Variants in KRT222 observed in about 807,000 individuals in gnomAD.
KRT222 encodes keratin 222, also known as keratin-like protein KRT222.
Under a neutral mutation model 35.0 loss-of-function variants are expected in KRT222, and 23 were observed. The ratio of observed to expected loss-of-function variants is 0.66; its 90% confidence interval spans 0.47 to 0.93. KRT222 has a LOEUF of 0.93. Among genes scored for constraint, KRT222 ranks in the 40% least tolerant of loss-of-function variants. The pLI is 0.00. For missense variants in KRT222, 339 were observed against 346.3 expected, an observed-to-expected ratio of 0.98 and a Z score of 0.17; for synonymous variants, 108 against 118.8, an observed-to-expected ratio of 0.91 and a Z score of 0.59.
At position 40,656,573 on chromosome 17, in the gene KRT222, G is replaced by T; in HGVS notation, c.717C>A (p.Asn239Lys). 6.2e-7 allele frequency: 1 copy of T among 1,613,442 alleles called. No homozygotes were observed. The highest frequency in any genetic ancestry group is 8.5e-7 in the Non-Finnish European group (1 of 1,179,514). The change falls in exon 6 of 6, where the codon AAC becomes AAA. Residue 239 changes from asparagine to lysine, a missense_variant. Coordinates refer to ENST00000394052, the MANE Select transcript of KRT222 (RefSeq NM_152349.3). ...KEWEGSFFKD[N>K]PRLRKKSVSL... ...AAACAGACTTTTTCCTCAATCGAGG[G>T]TTATCTTTAAAGAAAGAACCTTCCC...
chr17:40,659,871 G>T, intron 3 of KRT222, 116 bp downstream of exon 3: 2 of 816,386 alleles, frequency 2.4e-6, no homozygotes, highest in South Asian at 1.6e-5. Context: ...TGGGCTCAGT[G>T]AGTACACCAT....
chr17:40,659,736 T>C (rs1312780341), intron 3 of KRT222, among the ~76,000 whole-genome samples: 2 of 152,200 alleles, frequency 1.3e-5, no homozygotes, highest in Non-Finnish European at 2.9e-5. Flanking sequence ...GACTACAAGA[T>C]CATTTTTGTA....
At position 40,661,968 on chromosome 17, in the gene KRT222, G is replaced by A. The variant is rs201785449; in HGVS notation, c.173C>T (p.Ala58Val). Residue 58 changes from alanine (A) to valine (V), a missense_variant, in exon 2 of 6, where the codon GCC (alanine) becomes GTC (valine). Coordinates refer to ENST00000394052, the MANE Select transcript of KRT222 (RefSeq NM_152349.3). ...LKAAQAELKE[A>V]RRQWHHLQVE... ...TTGCAGGTGGTGCCACTGGCGTCGGGCCTCCTTGAGTTCTGCTTGAGCTGC... is the reference window on the plus strand; with the variant it reads ...TTGCAGGTGGTGCCACTGGCGTCGGACCTCCTTGAGTTCTGCTTGAGCTGC... 161 of 1,613,962 alleles carry A rather than the reference G, an allele frequency of 1.0e-4. No individual in the cohort carries two copies. Among genetic ancestry groups the A allele is most frequent in the Non-Finnish European group, 1.3e-4 (156 of 1,180,012 alleles).
At chr17:40,659,939 G>A (rs778008830) in intron 3 of KRT222, 48 bp downstream of exon 3, 2 of 1,463,160 alleles carry the variant, frequency 1.4e-6, no homozygotes, top group South Asian at 1.1e-5. Context: ...TGGCATAAGT[G>A]GCTCTGTATT....
chr17:40,662,187 A>G (rs2037388362), intron 1 of KRT222, 143 bp from the exon 2 acceptor site: 1 of 938,682 alleles, frequency 1.1e-6, no homozygotes, highest in Admixed American at 2.9e-5. Context: ...TGTGTGTCCT[A>G]GTGCCTAGTT....
chr17:40,659,588 G>A (rs886728277), intron 3 of KRT222, among the ~76,000 whole-genome samples: 43 of 151,844 alleles, frequency 2.8e-4, no homozygotes, highest in African/African-American at 9.7e-4. Flanking sequence ...CATGCTCAGC[G>A]AATTTTAAAA....
In KRT222 at chr17:40,656,445, G is replaced by A. The variant is rs2037344504; in HGVS notation, c.845C>T (p.Ser282Leu). 1.2e-6 allele frequency: 2 copies of A among 1,613,714 alleles called. No homozygotes were observed. Among genetic ancestry groups the A allele is most frequent in the Non-Finnish European group, 8.5e-7 (1 of 1,179,762 alleles). The part of the protein sequence containing the change: ...DIEVRLIMRR[S>L]CSIPSIKPPS... ...AGGTTTGATAGAGGGAATACTGCAT[G>A]ATCTTCTCATGATAAGCCTGACTTC... The change falls in exon 6 of 6, where the codon TCA becomes TTA. Residue 282 changes from serine (S) to leucine (L), a missense_variant. By Grantham distance (145) the Ser-to-Leu change is moderately radical. Transcript: ENST00000394052.
Position 40,657,461 on chromosome 17 carries a change from T to C in KRT222, c.550A>G (p.Thr184Ala). Residue 184 changes from threonine to alanine, a missense_variant, in exon 5 of 6, where the codon ACA (threonine) becomes GCA (alanine). By Grantham distance (58) the Thr-to-Ala change is moderately conservative (BLOSUM62 0). Coordinates refer to ENST00000394052, the MANE Select transcript of KRT222 (RefSeq NM_152349.3). ...TTCTCATACTTTTGTGGGACTTTTG[T>C]AGTAAAAGATATTTCATTTATAATG... ...SAIINEISFT[T>A]KVPQKYENEN... 6.2e-7 allele frequency: 1 copy of C among 1,603,922 alleles called. No individual in the cohort carries two copies. The highest frequency in any genetic ancestry group is 1.1e-5 in the South Asian group (1 of 89,916).
chr17:40,663,694 T>G (rs991521114), intron 1 of KRT222, among the ~76,000 whole-genome samples: 1 of 152,276 alleles, frequency 6.6e-6, no homozygotes, highest in African/African-American at 2.4e-5. Flanking sequence ...TGAATTTATT[T>G]CAGCTGACTT....
rs576940179 is a variant in KRT222 at position 40,659,483 on chromosome 17, G to A, written c.446+504C>T. Reference sequence around the variant, plus strand: ...AGCCGCTGCACCCAGCTCAGGAAAGGTCTTTTTCATGATTAGCTCATTGTA... The same window carrying A: ...AGCCGCTGCACCCAGCTCAGGAAAGATCTTTTTCATGATTAGCTCATTGTA... On this transcript the variant is annotated intron_variant, in intron 3 of 5. Coordinates refer to ENST00000394052, the MANE Select transcript of KRT222 (RefSeq NM_152349.3). Among the ~76,000 whole-genome samples, 16 of 152,124 alleles carry A rather than the reference G, an allele frequency of 1.1e-4. 1 individual carries two copies. The highest frequency in any genetic ancestry group is 6.8e-3 in the Middle Eastern group (2 of 294).
chr17:40,661,706 A>T (rs371364794), intron 2 of KRT222, among the ~76,000 whole-genome samples: 3 of 152,356 alleles, frequency 2.0e-5, no homozygotes, highest in African/African-American at 7.2e-5. Flanking sequence ...CTTCATTTTT[A>T]CAGGTCTGAA....
chr17:40,659,342 G>T (rs1400968653), intron 3 of KRT222, among the ~76,000 whole-genome samples: 1 of 151,446 alleles, frequency 6.6e-6, no homozygotes, highest in African/African-American at 2.4e-5. Flanking sequence ...TATTATTATT[G>T]TTTTTTTCTT....
chr17:40,656,857 G>A (rs868760552), intron 5 of KRT222, among the ~76,000 whole-genome samples: 4 of 151,942 alleles, frequency 2.6e-5, no homozygotes, highest in African/African-American at 7.2e-5. Context: ...GGAAAAAAAC[G>A]GCAAAGTAAG....
At chr17:40,663,659 A>T (rs1036993658) in intron 1 of KRT222, among the ~76,000 whole-genome samples, 6 of 152,214 alleles carry the variant, frequency 3.9e-5, no homozygotes, top group African/African-American at 1.2e-4. Flanking sequence ...TTAGAAATTT[A>T]AAAAAATAAC....
chr17:40,658,448 T>C (rs1395311211), intron 3 of KRT222, among the ~76,000 whole-genome samples: 2 of 152,118 alleles, frequency 1.3e-5, no homozygotes, highest in Non-Finnish European at 2.9e-5. Flanking sequence ...TGTATATACA[T>C]GATATGTATA....
Position 40,655,772 on chromosome 17 carries a change from T to G in KRT222, c.*630A>C, listed in dbSNP as rs1196649418. The G allele has an allele frequency of 6.6e-6, 1 of 152,164 alleles. No individual in the cohort carries two copies. Among genetic ancestry groups the G allele is most frequent in the African/African-American group, 2.4e-5 (1 of 41,444 alleles). The allele number at this position is 152,164 out of a possible 1,614,324, so 9.4% of individuals were successfully genotyped here. A position where few individuals can be genotyped will look rare whatever the true frequency, so the allele number is the denominator to read the frequency against. On this transcript the variant is annotated 3_prime_UTR_variant, in exon 6 of 6. Transcript: ENST00000394052. ...ATGTAGATTAACTTAATTGTACTTA[T>G]CTCAAATTAGCCCTGGGGTGTGTTC...
intron 3 of KRT222, among the ~76,000 whole-genome samples, chr17:40,658,911 T>C (rs929633160): frequency 3.9e-5 from 6 of 152,178 alleles, no homozygotes; most frequent in Non-Finnish European, 5.9e-5. Flanking sequence ...TATCTGGTAG[T>C]CTTTTAAATC....
At chr17:40,659,495 A>C (rs1047720479) in intron 3 of KRT222, among the ~76,000 whole-genome samples, 18 of 151,834 alleles carry the variant, frequency 1.2e-4, no homozygotes, top group African/African-American at 4.4e-4. Flanking sequence ...CTTTTTCATG[A>C]TTAGCTCATT....
intron 3 of KRT222, among the ~76,000 whole-genome samples, chr17:40,659,314 C>T (rs1188495850): frequency 6.6e-6 from 1 of 151,716 alleles, no homozygotes; most frequent in African/African-American, 2.4e-5. Flanking sequence ...CACCACCATG[C>T]CCGGCTAATT....
Sources: gnomAD v4.1 joint callset for allele counts (sites outside exome capture counted in the v4.1 genomes callset) on GRCh38, gnomAD v4.1.1 for gene constraint, MANE v1.5 for transcripts, NCBI Gene and HGNC (gene_info 2026-07-23, HGNC 2026-07-21) for gene names.